SGCD: variants seen among roughly 807,000 people sequenced by gnomAD.
The protein encoded by SGCD is sarcoglycan delta, also known as delta-sarcoglycan.
In SGCD, 18 loss-of-function variants were observed where a neutral mutation model predicts 36.6. The ratio of observed to expected loss-of-function variants is 0.49; its 90% CI spans 0.34 to 0.73. SGCD has a LOEUF of 0.73. Among genes scored for constraint, SGCD ranks in the 30% least tolerant of loss-of-function variants. The pLI, the probability that SGCD is intolerant of heterozygous loss-of-function variation, is 0.01. For synonymous variants in SGCD, 133 were observed against 130.6 expected (o/e 1.02, Z -0.12); for missense variants, 387 against 346.7 (o/e 1.12, Z -0.92).
intron 4 of SGCD, among the ~76,000 whole-genome samples, chr5:156,512,741 C>T (rs1358069988): frequency 6.6e-6 from 1 of 152,154 alleles, no homozygotes; most frequent in Non-Finnish European, 1.5e-5. Flanking sequence ...GATAATTTCT[C>T]CTTGCTCCAT....
intron 1 of SGCD, among the ~76,000 whole-genome samples, chr5:156,080,887 G>A (rs977117032): frequency 1.3e-5 from 2 of 152,032 alleles, no homozygotes; most frequent in Admixed American, 1.3e-4. Context: ...TTCAATCTCT[G>A]CCTGTTACCC....
In SGCD at chr5:156,485,339, G is replaced by A. The variant is rs115915222; in HGVS notation, c.193-23262G>A. Among the ~76,000 whole-genome samples, 922 of 152,278 alleles carry A rather than the reference G, an allele frequency of 6.1e-3. 9 individuals are homozygous for A. The highest frequency in any genetic ancestry group is 0.021 in the African/African-American group (866 of 41,562). On this transcript the variant is annotated intron_variant, in intron 3 of 8. Transcript: ENST00000337851. ...TATAGAGAGAGCCATTAATAAAGGT[G>A]GAAAAAGGAAATGCTAGAGGGGCCT...
intron 7 of SGCD, among the ~76,000 whole-genome samples, chr5:156,656,341 G>A (rs1383231882): frequency 6.6e-6 from 1 of 152,084 alleles, no homozygotes; most frequent in Non-Finnish European, 1.5e-5. Flanking sequence ...TTAATATGGA[G>A]ATATGAACCA....
chr5:156,335,445 A>T (rs1401884226), intron 2 of SGCD, among the ~76,000 whole-genome samples: 1 of 152,150 alleles, frequency 6.6e-6, no homozygotes. Flanking sequence ...ATGGCTTTCA[A>T]TAATACTCAT....
intron 1 of SGCD, among the ~76,000 whole-genome samples, chr5:156,112,677 T>A (rs1043686020): frequency 3.3e-5 from 5 of 152,140 alleles, no homozygotes; most frequent in African/African-American, 1.2e-4. Flanking sequence ...CTTCTACAGT[T>A]TAGGAAACTG....
At chr5:155,761,870 A>G in the SGCD span, among the ~76,000 whole-genome samples, 15 of 152,156 alleles carry the variant, frequency 9.9e-5, no homozygotes, top group South Asian at 2.9e-3. Flanking sequence ...TATCATCTCC[A>G]TCATCCTCCC....
intron 1 of SGCD, among the ~76,000 whole-genome samples, chr5:155,995,949 A>G (rs977555012): frequency 6.7e-5 from 10 of 148,778 alleles, no homozygotes; most frequent in Non-Finnish European, 1.5e-4. Flanking sequence ...TGTACAGCTA[A>G]GATTTGAGCT....
the SGCD span, among the ~76,000 whole-genome samples, chr5:155,803,534 T>G: frequency 6.6e-6 from 1 of 151,566 alleles, no homozygotes; most frequent in East Asian, 1.9e-4. Flanking sequence ...CTAGAAGGAG[T>G]GGGAAAAGGA....
chr5:156,176,544 AT>A (rs1001711276), intron 3 of SGCD, among the ~76,000 whole-genome samples: 116 of 151,502 alleles, frequency 7.7e-4, no homozygotes, highest in Non-Finnish European at 1.2e-3. Flanking sequence ...GGTGTTTGTG[AT>A]TTTTTTTTAA....
intron 3 of SGCD, among the ~76,000 whole-genome samples, chr5:156,158,692 A>G (rs554073366): frequency 1.3e-5 from 2 of 151,784 alleles, no homozygotes; most frequent in Admixed American, 6.5e-5. Context: ...GTCAATGTGG[A>G]GGAGCAAATG....
At chr5:156,537,844 G>GAA (rs71577201) in intron 4 of SGCD, among the ~76,000 whole-genome samples, 8 of 147,008 alleles carry the variant, frequency 5.4e-5, no homozygotes, top group African/African-American at 7.5e-5. Context: ...TGAATGGAAA[G>GAA]AAAAAAAAAA....
At chr5:156,399,402 A>G (rs1772027592) in intron 3 of SGCD, among the ~76,000 whole-genome samples, 1 of 152,346 alleles carries the variant, frequency 6.6e-6, no homozygotes, top group South Asian at 2.1e-4. Context: ...CAGCAGGTCC[A>G]CCAAACCAGA....
rs115275615 is a variant in SGCD, at chr5:156,348,694, G to A, written c.192+4017G>A. Among the ~76,000 whole-genome samples, 927 of 152,136 alleles carry A rather than the reference G, an allele frequency of 6.1e-3. 17 individuals carry two copies. The highest frequency in any genetic ancestry group is 0.021 in the African/African-American group (876 of 41,528). On this transcript the variant is annotated intron_variant, in intron 3 of 8. Coordinates refer to ENST00000337851, the MANE Select transcript of SGCD (RefSeq NM_000337.6). The stretch of plus-strand genomic sequence containing the variant: ...CATAGTGCCCAAAGCAATCTACAGA[G>A]TCAATGTACTTCCTATCAAAATATC...
At chr5:155,857,951 G>A in the SGCD span, among the ~76,000 whole-genome samples, 1 of 152,026 alleles carries the variant, frequency 6.6e-6, no homozygotes, top group South Asian at 2.1e-4. Flanking sequence ...TGTGCTGTCT[G>A]TTCTTTGTTA....
chr5:156,070,386 C>A (rs1245772450), intron 1 of SGCD, among the ~76,000 whole-genome samples: 8,170 of 149,204 alleles, frequency 0.055, 763 homozygotes, highest in African/African-American at 0.19. Context: ...CTATTGAGAT[C>A]ATCATGTGGT....
chr5:155,938,004 C>G (rs1561656104), intron 1 of SGCD, among the ~76,000 whole-genome samples: 1 of 152,188 alleles, frequency 6.6e-6, no homozygotes, highest in Non-Finnish European at 1.5e-5. Context: ...ACCTCCAGGT[C>G]CTGTGCTCTT....
chr5:156,026,741 T>G (rs1328618488), intron 1 of SGCD, among the ~76,000 whole-genome samples: 1 of 152,116 alleles, frequency 6.6e-6, no homozygotes, highest in Non-Finnish European at 1.5e-5. Flanking sequence ...ATCCCTCAGA[T>G]CAGGCGGTTG....
At chr5:155,989,748 A>G (rs987580304) in intron 1 of SGCD, among the ~76,000 whole-genome samples, 2 of 152,250 alleles carry the variant, frequency 1.3e-5, no homozygotes, top group Non-Finnish European at 2.9e-5. Context: ...AGCAAGAAAT[A>G]ATACCATGTC....
At chr5:156,035,853 TG>T (rs1413049631) in intron 1 of SGCD, among the ~76,000 whole-genome samples, 1 of 152,212 alleles carries the variant, frequency 6.6e-6, no homozygotes, top group Non-Finnish European at 1.5e-5. Flanking sequence ...CGTAGCATTT[TG>T]GTGAGCAAAG....
Sources: allele counts gnomAD v4.1 joint callset (sites outside exome capture counted in the v4.1 genomes callset), GRCh38; gene constraint gnomAD v4.1.1; transcripts MANE v1.5; gene names NCBI Gene and HGNC (gene_info 2026-07-23, HGNC 2026-07-21).